The following TMEM94 variants were observed in gnomAD, a reference collection of about 807,000 sequenced individuals.
TMEM94 encodes ER Mg2+ ATPase.
Under a neutral mutation model 158.6 loss-of-function variants are expected in TMEM94, and 81 were observed. The observed-to-expected ratio is 0.51, with a 90% CI of 0.43 to 0.61. The LOEUF (loss-of-function observed/expected upper bound fraction) is 0.61, where lower values mean the gene tolerates loss of function less well. Ranked by LOEUF, TMEM94 falls within the 20% of genes least tolerant of loss-of-function variation. TMEM94 has a pLI of 0.00. For synonymous variants in TMEM94, 751 were observed against 730.7 expected, an observed-to-expected ratio of 1.03 and a Z score of -0.45; for missense variants, 1,435 against 1,762.0, an observed-to-expected ratio of 0.81 and a Z score of 3.32.
chr17:75,500,440 C>T lies in TMEM94; in HGVS notation c.*1106C>T, dbSNP rs2053158021. 2 of 152,842 alleles carry T rather than the reference C, an allele frequency of 1.3e-5. No homozygotes were observed. The highest frequency in any genetic ancestry group is 2.1e-4 in the South Asian group (1 of 4,858). 9.5% of individuals were successfully genotyped at this position (152,842 alleles called of 1,614,324 possible). ...CTCAGGCAGTTGATAGAATAAATTC[C>T]ATTTAAAATATATGCATTTCTCTCT... On this transcript the variant is annotated 3_prime_UTR_variant, in exon 32 of 32. Transcript: ENST00000314256.
At chr17:75,472,116 A>G (rs1472146730) in intron 2 of TMEM94, among the ~76,000 whole-genome samples, 187 bp downstream of exon 2, 1 of 152,260 alleles carries the variant, frequency 6.6e-6, no homozygotes, top group Non-Finnish European at 1.5e-5. Flanking sequence ...TCACAGAGCT[A>G]TGAATAAAGG....
At position 75,496,342 on chromosome 17, in the gene TMEM94, C is replaced by A. The variant is rs2052679918; in HGVS notation, c.3114C>A (p.Thr1038=). The A allele has an allele frequency of 6.2e-7, 1 of 1,614,160 alleles. No individual in the cohort carries two copies. Among genetic ancestry groups the A allele is most frequent in the South Asian group, 1.1e-5 (1 of 91,092 alleles). Residue 1038 remains threonine (T), a synonymous_variant, in exon 24 of 32, where the codon ACC becomes ACA. Coordinates refer to ENST00000314256, the MANE Select transcript of TMEM94 (RefSeq NM_014738.6). ...CCTGGGAGACCTTTGGCTACGCCAC[C>A]AGCATCAGCATGGCCCAGGCCTCGG... ...RCSWETFGYA[T]SISMAQASDG...
In TMEM94 at chr17:75,495,674, A is replaced by T. The variant is rs1335925315; in HGVS notation, c.2944+31A>T. 2.5e-6 allele frequency: 4 copies of T among 1,598,338 alleles called. No homozygotes were observed. The highest frequency in any genetic ancestry group is 3.4e-6 in the Non-Finnish European group (4 of 1,167,040). Reference sequence around the variant, plus strand: ...TGCTGTGGCCATGGGTACTTGGGCAACCTGGTCCCGTCGGCTGAGCTCTGC... The same window carrying T: ...TGCTGTGGCCATGGGTACTTGGGCATCCTGGTCCCGTCGGCTGAGCTCTGC... On this transcript the variant is annotated intron_variant, in intron 22 of 31. Coordinates refer to ENST00000314256, the MANE Select transcript of TMEM94 (RefSeq NM_014738.6). This position sits in a 1 kb window ranked among gnomAD's most constrained non-coding sequence, Gnocchi z 5.6.
In TMEM94 at chr17:75,499,578, T is replaced by C. The variant is rs2053106129; in HGVS notation, c.*244T>C. On this transcript the variant is annotated 3_prime_UTR_variant, in exon 32 of 32. Transcript: ENST00000314256. The stretch of plus-strand genomic sequence containing the variant: ...CCCTGGGCCTCACCAGGGACACTCT[T>C]GAATGTATGGCCTCAGGCGCTCCCT... The C allele has an allele frequency of 1.8e-6, 1 of 565,952 alleles. No homozygotes were observed. The highest frequency in any genetic ancestry group is 3.1e-6 in the Non-Finnish European group (1 of 317,730). 35.1% of individuals were successfully genotyped at this position (565,952 alleles called of 1,614,324 possible).
In TMEM94 at chr17:75,491,021, G is replaced by A. The variant is rs1165002396; in HGVS notation, c.1129-28G>A. On this transcript the variant is annotated intron_variant, in intron 11 of 31. Transcript: ENST00000314256. The surrounding 1 kb of genome is among the most constrained non-coding windows in gnomAD (Gnocchi z 5.1). ...GGGAAATGAGGCTGAGCCCTAAATGGCCTTGCAGACTTCCTCTCTCCCACC... is the reference window on the plus strand; with the variant it reads ...GGGAAATGAGGCTGAGCCCTAAATGACCTTGCAGACTTCCTCTCTCCCACC... 6.4e-7 allele frequency: 1 copy of A among 1,552,554 alleles called. No individual in the cohort carries two copies. Among genetic ancestry groups the A allele is most frequent in the Non-Finnish European group, 8.8e-7 (1 of 1,134,314 alleles).
Position 75,488,877 on chromosome 17 carries a change from G to C in TMEM94, c.731G>C (p.Arg244Pro). The C allele has an allele frequency of 6.2e-7, 1 of 1,609,184 alleles. No homozygotes were observed. The highest frequency in any genetic ancestry group is 8.5e-7 in the Non-Finnish European group (1 of 1,176,974). Residue 244 changes from arginine (R) to proline (P), a missense_variant, in exon 7 of 32, where the codon CGT (arginine) becomes CCT (proline). Arg to Pro is a moderately radical substitution (Grantham distance 103). Transcript: ENST00000314256. ...AGCCCCCAGCAGCACCGGCTTTTCC[G>C]TGTCCTTGAGACCCCTGTGATTGAC... The part of the protein sequence containing the change: ...PQSPQQHRLF[R>P]VLETPVIDNI...
chr17:75,485,725 T>C lies in TMEM94; in HGVS notation c.145-146T>C. The C allele has an allele frequency of 1.5e-6, 2 of 1,324,656 alleles. No individual in the cohort carries two copies. Among genetic ancestry groups the C allele is most frequent in the Non-Finnish European group, 2.1e-6 (2 of 972,578 alleles). 82.1% of individuals were successfully genotyped at this position (1,324,656 alleles called of 1,614,324 possible). A position where few individuals can be genotyped will look rare whatever the true frequency, so the allele number is the denominator to read the frequency against. ...CAGAGTGGCTCCTGAGCCTGCTTGC[T>C]GCAGGAGCCCAACAGGCTGGAGCCC... is the stretch of plus-strand genomic sequence containing the variant. On this transcript the variant is annotated intron_variant, in intron 3 of 31. Coordinates refer to ENST00000314256, the MANE Select transcript of TMEM94 (RefSeq NM_014738.6). This position sits in a 1 kb window ranked among gnomAD's most constrained non-coding sequence, Gnocchi z 5.5.
rs1187571975 is a variant in TMEM94 at position 75,491,474 on chromosome 17, C to A, written c.1386+19C>A. ...TCCCGAGGTAGAGGAGGAGGTACGG[C>A]CGGCTCCCATGGGCCCGACTCTGGG... On this transcript the variant is annotated intron_variant, in intron 13 of 31. Coordinates refer to ENST00000314256, the MANE Select transcript of TMEM94 (RefSeq NM_014738.6). The surrounding 1 kb of genome is among the most constrained non-coding windows in gnomAD (Gnocchi z 5.1). 1 of 1,613,758 alleles carries A rather than the reference C, an allele frequency of 6.2e-7. No individual in the cohort carries two copies. Among genetic ancestry groups the A allele is most frequent in the Non-Finnish European group, 8.5e-7 (1 of 1,180,014 alleles).
chr17:75,485,677 C>T lies in TMEM94; in HGVS notation c.144+130C>T. ...ACCCAACTGAGGCCTCATGAAATAT[C>T]AGAAAGAAGCCAAGGTTCCCCTCAG... On this transcript the variant is annotated intron_variant, in intron 3 of 31. Transcript: ENST00000314256. This position sits in a 1 kb window ranked among gnomAD's most constrained non-coding sequence, Gnocchi z 5.5. 7.1e-7 allele frequency: 1 copy of T among 1,404,594 alleles called. No homozygotes were observed. Among genetic ancestry groups the T allele is most frequent in the South Asian group, 1.3e-5 (1 of 76,044 alleles). The allele number at this position is 1,404,594 out of a possible 1,614,324, so 87.0% of individuals were successfully genotyped here. A position where few individuals can be genotyped will look rare whatever the true frequency, so the allele number is the denominator to read the frequency against.
At chr17:75,497,046 G>A (rs1005131869) in intron 25 of TMEM94, 67 bp from the exon 26 acceptor site, 12 of 1,381,446 alleles carry the variant, frequency 8.7e-6, no homozygotes, top group African/African-American at 1.4e-5. Context: ...AAGGGAGCTC[G>A]GGGGCTCCTA....
At chr17:75,493,205 A>C in intron 16 of TMEM94, 103 bp downstream of exon 16, 1 of 1,232,158 alleles carries the variant, frequency 8.1e-7, no homozygotes, top group Non-Finnish European at 1.1e-6. Flanking sequence ...TGGGCAGATG[A>C]AAAGTAGACT....
At chr17:75,496,975 A>G in intron 25 of TMEM94, 138 bp from the exon 26 acceptor site, 1 of 1,001,798 alleles carries the variant, frequency 1.0e-6, no homozygotes, top group Non-Finnish European at 1.5e-6. Context: ...TTGGCAGAAG[A>G]GTATTCCCTC....
Position 75,496,065 on chromosome 17 carries a change from G to A in TMEM94, c.3044G>A (p.Ser1015Asn). The change falls in exon 23 of 32, where the codon AGC (serine) becomes AAC (asparagine). Residue 1015 changes from serine to asparagine, a missense_variant. By Grantham distance (46) the Ser-to-Asn change is conservative. Around this residue, in one of 3 missense-constraint regions of TMEM94, gnomAD observed 49 missense variants for 98.5 expected, o/e 0.50. Transcript: ENST00000314256. ...CGGAACAGCTGCCTCTTCCTCCAGA[G>A]CGACATCAGGTCAGGGCGGGACCCT... ...NLRNSCLFLQ[S>N]DISIALDPLY... 1 of 1,610,948 alleles carries A rather than the reference G, an allele frequency of 6.2e-7. No individual in the cohort carries two copies. Among genetic ancestry groups the A allele is most frequent in the Non-Finnish European group, 8.5e-7 (1 of 1,178,936 alleles).
chr17:75,497,089 C>T (rs750365873), intron 25 of TMEM94, 24 bp from the exon 26 acceptor site: 3 of 1,603,278 alleles, frequency 1.9e-6, no homozygotes, highest in Middle Eastern at 1.7e-4. Flanking sequence ...TGAACTGTGG[C>T]TCTTGGCTTC....
chr17:75,492,006 C>T lies in TMEM94; in HGVS notation c.1596+106C>T. On this transcript the variant is annotated intron_variant, in intron 14 of 31. Transcript: ENST00000314256. The surrounding 1 kb of genome is among the most constrained non-coding windows in gnomAD (Gnocchi z 4.4). ...AGGTCTGAAAGAGCAGGCGTCTCTG[C>T]CCTCTGTCCCAGCACCTCCAGGCTA... The T allele has an allele frequency of 8.5e-7, 1 of 1,171,350 alleles. No homozygotes were observed. Among genetic ancestry groups the T allele is most frequent in the South Asian group, 1.4e-5 (1 of 69,096 alleles). 72.6% of individuals were successfully genotyped at this position (1,171,350 alleles called of 1,614,324 possible).
At chr17:75,463,032 AAAAAAATATATATAT>A (rs1193486392) in intron 1 of TMEM94, among the ~76,000 whole-genome samples, 24 of 5,954 alleles carry the variant, frequency 4.0e-3, no homozygotes, top group Non-Finnish European at 7.4e-3. Context: ...AAAAAAAAAA[AAAAAAATATATATAT>A]ATATATATAT....
Position 75,493,780 on chromosome 17 carries a change from C to T in TMEM94, c.2271C>T (p.Ala757=). The change falls in exon 18 of 32, where the codon GCC becomes GCT. Residue 757 remains alanine (A), a synonymous_variant. Coordinates refer to ENST00000314256, the MANE Select transcript of TMEM94 (RefSeq NM_014738.6). ...TCGCCTACAAGCCCATGAACTGCGC[C>T]CTGTCCTCTCAGCTCAATGGCAAGT... is the stretch of plus-strand genomic sequence containing the variant. ...SAFAYKPMNC[A]LSSQLNGKCI... The T allele has an allele frequency of 6.2e-7, 1 of 1,614,082 alleles. No individual in the cohort carries two copies. Among genetic ancestry groups the T allele is most frequent in the Non-Finnish European group, 8.5e-7 (1 of 1,180,026 alleles).
chr17:75,495,027 G>C lies in TMEM94; in HGVS notation c.2721G>C (p.Leu907=). The change falls in exon 20 of 32, where the codon CTG becomes CTC. Residue 907 remains leucine, a synonymous_variant. Transcript: ENST00000314256. This position sits in a 1 kb window ranked among gnomAD's most constrained non-coding sequence, Gnocchi z 5.6. ...ACGCAGGCTCCCTGCATGATGACCT[G>C]AATCAGGGTAAGGGCAAAGGCGTGG... ...PSHAGSLHDD[L]NQVSRDDAEG... 1 of 1,481,406 alleles carries C rather than the reference G, an allele frequency of 6.8e-7. No individual in the cohort carries two copies. The highest frequency in any genetic ancestry group is 9.1e-7 in the Non-Finnish European group (1 of 1,096,558). 91.8% of individuals were successfully genotyped at this position (1,481,406 alleles called of 1,614,324 possible).
chr17:75,472,064 T>C, intron 2 of TMEM94, 135 bp downstream of exon 2: 7 of 812,026 alleles, frequency 8.6e-6, no homozygotes, highest in Non-Finnish European at 2.1e-6. Context: ...GCTCTGAGTC[T>C]TGGGGGATGC....
Sources: allele counts gnomAD v4.1 joint callset (sites outside exome capture counted in the v4.1 genomes callset), GRCh38; gene constraint gnomAD v4.1.1; regional missense constraint gnomAD v4.1.1; non-coding constraint Gnocchi (gnomAD v3.1); transcripts MANE v1.5; gene names NCBI Gene and HGNC (gene_info 2026-07-23, HGNC 2026-07-21).